RPTOR: variants seen among roughly 807,000 people sequenced by gnomAD.
RPTOR encodes regulatory-associated protein of mTOR.
Under a neutral mutation model 169.9 loss-of-function variants are expected in RPTOR, and 21 were observed. The observed-to-expected ratio is 0.12, with a 90% confidence interval of 0.09 to 0.18. RPTOR has a LOEUF of 0.18. RPTOR is among the 10% of genes least tolerant of loss of function. The pLI, the probability that RPTOR is intolerant of heterozygous loss-of-function variation, is 1.00. For missense variants in RPTOR, 1,133 were observed against 1,855.9 expected, an observed-to-expected ratio of 0.61 and a Z score of 7.16; for synonymous variants, 732 against 753.2, an observed-to-expected ratio of 0.97 and a Z score of 0.46.
chr17:80,622,329 C>T (rs765800333), intron 1 of RPTOR, among the ~76,000 whole-genome samples: 2 of 152,184 alleles, frequency 1.3e-5, no homozygotes, highest in Non-Finnish European at 2.9e-5. Flanking sequence ...GAAACGTTTC[C>T]AGGAAATGTC....
rs143458839 is a variant in RPTOR, at chr17:80,921,666, C to A, written c.2521-1058C>A. On this transcript the variant is annotated intron_variant, in intron 21 of 33. Transcript: ENST00000306801. ...CTTTTTCTGTGGTAGAATTTCAAGC[C>A]CTGCAGGTGTCTGTGGCAGGAGGCT... 2.5e-3 allele frequency among the ~76,000 whole-genome samples: 382 copies of A among 152,302 alleles called. 1 individual carries two copies. Among genetic ancestry groups the A allele is most frequent in the Non-Finnish European group, 4.2e-3 (284 of 68,024 alleles).
At chr17:80,738,102 G>A (rs1178277734) in intron 5 of RPTOR, among the ~76,000 whole-genome samples, 2 of 152,216 alleles carry the variant, frequency 1.3e-5, no homozygotes, top group African/African-American at 4.8e-5. Context: ...GAGAAATGGG[G>A]GGAAACACAG....
At chr17:80,896,467 A>G (rs111326605) in intron 20 of RPTOR, among the ~76,000 whole-genome samples, 2,673 of 23,932 alleles carry the variant, frequency 0.11, 387 homozygotes, top group Admixed American at 0.19. Context: ...ACACGGCCGC[A>G]CCGACACATC....
chr17:80,614,370 A>G (rs2065293417), intron 1 of RPTOR, among the ~76,000 whole-genome samples: 1 of 152,224 alleles, frequency 6.6e-6, no homozygotes, highest in Non-Finnish European at 1.5e-5. Context: ...AAAAAATCCA[A>G]ATATTGAAAG....
chr17:80,849,624 A>G (rs2067771578), intron 11 of RPTOR, among the ~76,000 whole-genome samples: 2 of 152,146 alleles, frequency 1.3e-5, no homozygotes, highest in Admixed American at 6.5e-5. Context: ...GGTTCAAGCA[A>G]TTCTCTGCCT....
chr17:80,958,636 A>G (rs942082068), intron 29 of RPTOR, among the ~76,000 whole-genome samples: 3 of 151,602 alleles, frequency 2.0e-5, no homozygotes, highest in Admixed American at 6.6e-5. Flanking sequence ...AATGGTCTCT[A>G]TCTCCTGACC....
intron 5 of RPTOR, among the ~76,000 whole-genome samples, chr17:80,751,791 C>G (rs561788624): frequency 3.3e-5 from 5 of 152,342 alleles, no homozygotes; most frequent in African/African-American, 1.2e-4. Flanking sequence ...GGCCCTGGAT[C>G]TGGGACGACC....
intron 3 of RPTOR, among the ~76,000 whole-genome samples, chr17:80,677,888 A>G (rs2065871819): frequency 6.6e-6 from 1 of 152,204 alleles, no homozygotes; most frequent in African/African-American, 2.4e-5. Flanking sequence ...GATTGATATC[A>G]GTATTGCTCA....
intron 10 of RPTOR, among the ~76,000 whole-genome samples, chr17:80,841,221 G>A (rs1444097699): frequency 2.1e-5 from 2 of 94,872 alleles, no homozygotes; most frequent in Admixed American, 1.1e-4. Context: ...TCACCGCACG[G>A]CAGCTCACTC....
chr17:80,729,712 C>T (rs969663474), intron 4 of RPTOR, among the ~76,000 whole-genome samples: 3 of 152,178 alleles, frequency 2.0e-5, no homozygotes, highest in South Asian at 2.1e-4. Flanking sequence ...TTTGAGGACC[C>T]GGCCAACTCT....
intron 1 of RPTOR, among the ~76,000 whole-genome samples, chr17:80,578,787 G>T (rs1030830094): frequency 6.6e-6 from 1 of 152,332 alleles, no homozygotes; most frequent in East Asian, 1.9e-4. Flanking sequence ...TTGGGCCACT[G>T]AGGTAGGGAC....
At chr17:80,744,441 ACTAGCACTG>A (rs2066539963) in intron 5 of RPTOR, among the ~76,000 whole-genome samples, 1 of 94,582 alleles carries the variant, frequency 1.1e-5, no homozygotes, top group East Asian at 2.5e-4. Flanking sequence ...AGCCCTGGCT[ACTAGCACTG>A]TCCTGGTTAC....
rs1161611724 is a variant in RPTOR at position 80,700,370 on chromosome 17, TAAGTG to T, written c.349-7470_349-7466del. Among the ~76,000 whole-genome samples, 304 of 150,734 alleles carry T rather than the reference TAAGTG, an allele frequency of 2.0e-3. 2 individuals are homozygous for T. Among genetic ancestry groups the T allele is most frequent in the African/African-American group, 7.0e-3 (286 of 41,074 alleles). Reference sequence around the variant, plus strand: ...TTACTCCAATGATCTAAGAAATAGATAAGTGGTGGTGGTGATGGTGGTAGTGGTGG... The same window carrying T: ...TTACTCCAATGATCTAAGAAATAGATGTGGTGGTGATGGTGGTAGTGGTGG... On this transcript the variant is annotated intron_variant, in intron 3 of 33. Coordinates refer to ENST00000306801, the MANE Select transcript of RPTOR (RefSeq NM_020761.3).
At chr17:80,719,413 G>A (rs890353691) in intron 4 of RPTOR, among the ~76,000 whole-genome samples, 2 of 152,206 alleles carry the variant, frequency 1.3e-5, no homozygotes, top group South Asian at 4.1e-4. Flanking sequence ...CTGAGAAGAT[G>A]CTGAGTACAT....
intron 1 of RPTOR, among the ~76,000 whole-genome samples, chr17:80,556,112 G>T (rs2084405208): frequency 6.8e-6 from 1 of 147,884 alleles, no homozygotes; most frequent in Admixed American, 6.6e-5. Context: ...GTGATTGTAA[G>T]GGCAGTGGCC....
chr17:80,955,373 A>G (rs1027706952), intron 28 of RPTOR, among the ~76,000 whole-genome samples: 1 of 152,256 alleles, frequency 6.6e-6, no homozygotes, highest in Non-Finnish European at 1.5e-5. Flanking sequence ...AGCTGATGCC[A>G]TATAGAAAAG....
At chr17:80,827,976 C>T (rs1350915468) in intron 9 of RPTOR, among the ~76,000 whole-genome samples, 1 of 152,200 alleles carries the variant, frequency 6.6e-6, no homozygotes, top group Non-Finnish European at 1.5e-5. Context: ...CCGTCTAGTG[C>T]CAGCCTGCCC....
intron 7 of RPTOR, among the ~76,000 whole-genome samples, chr17:80,818,905 G>A (rs1306835288): frequency 2.0e-5 from 3 of 152,202 alleles, no homozygotes; most frequent in African/African-American, 4.8e-5. Flanking sequence ...GCTGGGGTGT[G>A]GGACCTCGTG....
At chr17:80,559,401 T>G (rs2084451313) in intron 1 of RPTOR, among the ~76,000 whole-genome samples, 1 of 152,174 alleles carries the variant, frequency 6.6e-6, no homozygotes, top group African/African-American at 2.4e-5. Flanking sequence ...GTCCTGACTT[T>G]CCAGCACAAC....
Sources: gnomAD v4.1 joint callset for allele counts (sites outside exome capture counted in the v4.1 genomes callset) on GRCh38, gnomAD v4.1.1 for gene constraint, MANE v1.5 for transcripts, NCBI Gene and HGNC (gene_info 2026-07-23, HGNC 2026-07-21) for gene names.